DOCK3: variants seen among roughly 807,000 people sequenced by gnomAD.
The protein encoded by DOCK3 is dedicator of cytokinesis protein 3.
In DOCK3, 60 loss-of-function variants were observed where a neutral mutation model predicts 265.6. The ratio of observed to expected loss-of-function variants is 0.23; its 90% CI spans 0.18 to 0.28. The LOEUF is 0.28. DOCK3 is among the 10% of genes least tolerant of loss of function. The probability of loss-of-function intolerance (pLI) is 1.00; values close to 1 mark genes in which losing one functional copy is unlikely to be tolerated. For synonymous variants in DOCK3, 881 were observed against 938.0 expected (o/e 0.94, Z 1.11); for missense variants, 1,981 against 2,594.3 (o/e 0.76, Z 5.14).
At position 50,932,707 on chromosome 3, in the gene DOCK3, G is replaced by A. The variant is rs906671989; in HGVS notation, c.219-1274G>A. Among the ~76,000 whole-genome samples, 13 of 152,108 alleles carry A rather than the reference G, an allele frequency of 8.5e-5. No homozygotes were observed. The East Asian group carries it at 1.2e-3, about 14-fold the overall frequency. On this transcript the variant is annotated intron_variant, in intron 4 of 52. Transcript: ENST00000266037. ...CAGTGACATCTTGCATACTTTTCTC[G>A]TTTGCAGGTGGCACCATAACTGGTT... is the stretch of plus-strand genomic sequence containing the variant.
intron 29 of DOCK3, 124 bp downstream of exon 29, chr3:51,312,203 G>C: frequency 1.1e-6 from 1 of 900,238 alleles, no homozygotes; most frequent in Middle Eastern, 2.7e-4. Flanking sequence ...GCCTGATGAT[G>C]ATTAGAATAT....
chr3:51,158,667 A>G (rs2107502670), intron 10 of DOCK3, among the ~76,000 whole-genome samples: 1 of 152,356 alleles, frequency 6.6e-6, no homozygotes, highest in African/African-American at 2.4e-5. Flanking sequence ...TTTCAATAAG[A>G]TTATTTTCAA....
intron 5 of DOCK3, among the ~76,000 whole-genome samples, chr3:50,939,508 A>G (rs13079136): frequency 0.094 from 14,360 of 152,178 alleles, 838 homozygotes; most frequent in Non-Finnish European, 0.12. Context: ...AACTTGATCA[A>G]TATATAAAAA....
intron 9 of DOCK3, among the ~76,000 whole-genome samples, chr3:51,110,300 A>G (rs535390575): frequency 5.9e-5 from 9 of 151,920 alleles, no homozygotes; most frequent in Non-Finnish European, 1.2e-4. Context: ...ATGAGAAGAG[A>G]CTCCTCCCCA....
Position 51,089,240 on chromosome 3 carries a change from T to C in DOCK3, c.550-3T>C, listed in dbSNP as rs1367826541. On this transcript the variant is annotated splice_region_variant and splice_polypyrimidine_tract_variant and intron_variant, in intron 7 of 52. Transcript: ENST00000266037. ...GTTTATTTTTCTTTCCTTCTTTCCA[T>C]AGCATTTATCTAGCCGGCAGAGTGT... The C allele has an allele frequency of 6.2e-7, 1 of 1,606,848 alleles. No homozygotes were observed. Among genetic ancestry groups the C allele is most frequent in the East Asian group, 2.2e-5 (1 of 44,792 alleles).
chr3:51,380,023 G>A, intron 51 of DOCK3, 102 bp from the exon 52 acceptor site: 2 of 1,118,066 alleles, frequency 1.8e-6, no homozygotes, highest in Non-Finnish European at 2.6e-6. Context: ...GGGGTCCCCA[G>A]GGGACTCTTC....
At chr3:51,023,491 C>G (rs901274423) in intron 5 of DOCK3, among the ~76,000 whole-genome samples, 1 of 151,784 alleles carries the variant, frequency 6.6e-6, no homozygotes, top group Non-Finnish European at 1.5e-5. Flanking sequence ...TCTCGGCTCA[C>G]TCCAACCTCT....
chr3:50,871,111 C>T (rs2047410756), intron 3 of DOCK3, among the ~76,000 whole-genome samples: 1 of 151,898 alleles, frequency 6.6e-6, no homozygotes. Flanking sequence ...AGTTTCGTAC[C>T]TTCAGATGAT....
At chr3:50,981,840 TTTTATTTA>T (rs1032001847) in intron 5 of DOCK3, among the ~76,000 whole-genome samples, 3 of 151,968 alleles carry the variant, frequency 2.0e-5, no homozygotes, top group Non-Finnish European at 4.4e-5. Flanking sequence ...ATGTTTTGTT[TTTTATTTA>T]TTTTATTTAT....
chr3:50,957,485 A>C (rs2076761099), intron 5 of DOCK3, among the ~76,000 whole-genome samples: 1 of 152,198 alleles, frequency 6.6e-6, no homozygotes, highest in African/African-American at 2.4e-5. Context: ...TTATTCTGCT[A>C]ATCTATCAAA....
At chr3:51,278,643 C>T (rs1012825972) in intron 26 of DOCK3, 1 of 775,992 alleles carries the variant, frequency 1.3e-6, no homozygotes, top group African/African-American at 1.9e-5. Flanking sequence ...TGTACCCTGG[C>T]ATTTCCTGGT....
intron 15 of DOCK3, 41 bp downstream of exon 15, chr3:51,225,814 C>A: frequency 6.3e-7 from 1 of 1,583,564 alleles, no homozygotes. Context: ...GAGGATAATC[C>A]TATAATAATT....
intron 4 of DOCK3, among the ~76,000 whole-genome samples, chr3:50,907,269 C>T (rs1055891054): frequency 6.6e-6 from 1 of 152,100 alleles, no homozygotes; most frequent in African/African-American, 2.4e-5. Flanking sequence ...TCTATTAAGT[C>T]TGCTTGGTGC....
At chr3:50,928,551 T>C (rs2050894322) in intron 4 of DOCK3, among the ~76,000 whole-genome samples, 2 of 152,236 alleles carry the variant, frequency 1.3e-5, no homozygotes, top group Non-Finnish European at 2.9e-5. Context: ...ATTCATCTAT[T>C]GATGGACACT....
At chr3:51,077,981 A>C (rs562863730) in intron 7 of DOCK3, among the ~76,000 whole-genome samples, 1 of 151,018 alleles carries the variant, frequency 6.6e-6, no homozygotes, top group African/African-American at 2.4e-5. Context: ...AATGTTCACT[A>C]TTTGGGCGAT....
intron 26 of DOCK3, among the ~76,000 whole-genome samples, chr3:51,279,686 A>G (rs1003232607): frequency 6.6e-6 from 1 of 152,132 alleles, no homozygotes; most frequent in Non-Finnish European, 1.5e-5. Context: ...AAGTCCTTGT[A>G]GAAGGGCTGC....
At chr3:51,210,533 G>A (rs939154003) in intron 13 of DOCK3, among the ~76,000 whole-genome samples, 1 of 152,192 alleles carries the variant, frequency 6.6e-6, no homozygotes, top group South Asian at 2.1e-4. Context: ...AAATGACTTA[G>A]TGGCTGAACA....
At chr3:51,181,185 C>T (rs530604592) in intron 12 of DOCK3, among the ~76,000 whole-genome samples, 5 of 152,060 alleles carry the variant, frequency 3.3e-5, no homozygotes, top group South Asian at 2.1e-4. Context: ...ATGGGCACAA[C>T]GTGCAGGTTT....
chr3:51,002,371 G>A (rs2078517110), intron 5 of DOCK3, among the ~76,000 whole-genome samples: 1 of 152,094 alleles, frequency 6.6e-6, no homozygotes, highest in Non-Finnish European at 1.5e-5. Context: ...TTGATTTGCA[G>A]ATATTTTCTC....
Sources: allele counts gnomAD v4.1 joint callset (sites outside exome capture counted in the v4.1 genomes callset), GRCh38; gene constraint gnomAD v4.1.1; transcripts MANE v1.5; gene names NCBI Gene and HGNC (gene_info 2026-07-23, HGNC 2026-07-21).